The following TBC1D22A variants were observed in gnomAD, a reference collection of about 807,000 sequenced individuals.
TBC1D22A encodes TBC1 domain family member 22A, also known as putative GTPase activator.
Under a neutral mutation model 60.2 loss-of-function variants are expected in TBC1D22A, and 38 were observed. The ratio of observed to expected loss-of-function variants is 0.63; its 90% confidence interval spans 0.49 to 0.83. The LOEUF is 0.83. Ranked by LOEUF, TBC1D22A falls within the 40% of genes least tolerant of loss-of-function variation. The pLI is 0.00. For synonymous variants in TBC1D22A, 302 were observed against 281.7 expected (o/e 1.07, Z -0.72); for missense variants, 628 against 701.0 (o/e 0.90, Z 1.18).
At chr22:47,040,487 G>A (rs557570133) in intron 11 of TBC1D22A, among the ~76,000 whole-genome samples, 13 of 152,180 alleles carry the variant, frequency 8.5e-5, no homozygotes, top group African/African-American at 1.7e-4. Flanking sequence ...GCCAGGATGA[G>A]GGGGTCGTCG....
At chr22:47,079,523 T>G (rs928924412) in intron 11 of TBC1D22A, among the ~76,000 whole-genome samples, 31 of 152,218 alleles carry the variant, frequency 2.0e-4, no homozygotes, top group African/African-American at 6.8e-4. Context: ...TAAATGGAAG[T>G]AAACTCTTGT....
At chr22:46,857,487 C>T (rs1156497852) in intron 4 of TBC1D22A, among the ~76,000 whole-genome samples, 1 of 152,168 alleles carries the variant, frequency 6.6e-6, no homozygotes, top group Non-Finnish European at 1.5e-5. Context: ...TTTTTTTAGA[C>T]ATCTTTACTG....
chr22:47,121,521 C>T (rs1393833700), intron 12 of TBC1D22A, among the ~76,000 whole-genome samples: 3 of 152,016 alleles, frequency 2.0e-5, no homozygotes, highest in Admixed American at 6.6e-5. Flanking sequence ...GTTTTCATTG[C>T]GTTTCTATGT....
intron 1 of TBC1D22A, among the ~76,000 whole-genome samples, chr22:46,772,947 C>T (rs1181931932): frequency 6.6e-6 from 1 of 152,160 alleles, no homozygotes; most frequent in African/African-American, 2.4e-5. Flanking sequence ...TTCCTTTATC[C>T]ACTTGTTGAT....
intron 11 of TBC1D22A, among the ~76,000 whole-genome samples, chr22:47,098,812 C>T (rs1001272012): frequency 6.6e-6 from 1 of 152,228 alleles, no homozygotes. Context: ...GGGAGTCATG[C>T]AGCCATTAGT....
chr22:47,100,118 G>A (rs983070077), intron 11 of TBC1D22A, among the ~76,000 whole-genome samples: 4 of 152,184 alleles, frequency 2.6e-5, no homozygotes, highest in Non-Finnish European at 5.9e-5. Flanking sequence ...GGCTTCCAGG[G>A]TGCTGCCTGG....
Position 46,793,580 on chromosome 22 carries a change from A to G in TBC1D22A, c.199A>G (p.Asn67Asp). The change falls in exon 3 of 13, where the codon AAT (asparagine) becomes GAT (aspartate). Residue 67 changes from asparagine (N) to aspartate (D), a missense_variant. By Grantham distance (23) the Asn-to-Asp change is conservative. Coordinates refer to ENST00000337137, the MANE Select transcript of TBC1D22A (RefSeq NM_014346.5). ...RVSTFQEFES[N>D]TSDAWDAGED... Reference sequence around the variant, plus strand: ...CAGCACCTTCCAGGAGTTTGAGAGCAATACCAGCGATGCCTGGGACGCTGG... The same window carrying G: ...CAGCACCTTCCAGGAGTTTGAGAGCGATACCAGCGATGCCTGGGACGCTGG... 1 of 1,614,100 alleles carries G rather than the reference A, an allele frequency of 6.2e-7. No individual in the cohort carries two copies. Among genetic ancestry groups the G allele is most frequent in the Non-Finnish European group, 8.5e-7 (1 of 1,180,052 alleles).
chr22:47,115,845 A>G (rs1388006669), intron 12 of TBC1D22A: 3 of 152,266 alleles, frequency 2.0e-5, no homozygotes, highest in Admixed American at 6.5e-5. Flanking sequence ...GAACTGAGCC[A>G]TGTCCTGTGC....
chr22:46,855,052 C>T (rs2087498295), intron 4 of TBC1D22A, among the ~76,000 whole-genome samples: 1 of 152,108 alleles, frequency 6.6e-6, no homozygotes, highest in Non-Finnish European at 1.5e-5. Flanking sequence ...TGTGTCTTTC[C>T]ACCCATTTTC....
chr22:47,081,120 CAA>C (rs34794967), intron 11 of TBC1D22A, among the ~76,000 whole-genome samples: 43 of 83,778 alleles, frequency 5.1e-4, no homozygotes, highest in Non-Finnish European at 6.2e-4. Context: ...AACTCCGTCT[CAA>C]AAAAAAAAAA....
intron 11 of TBC1D22A, among the ~76,000 whole-genome samples, chr22:47,110,436 A>T (rs2147717221): frequency 6.6e-6 from 1 of 152,326 alleles, no homozygotes; most frequent in East Asian, 1.9e-4. Context: ...CCAAGATCAC[A>T]CTACTACCCT....
rs566066859 is a variant in TBC1D22A at position 46,999,924 on chromosome 22, C to T, written c.1201+2215C>T. ...CCTGGAGTCCCAGCTGCTTGGGAGGCTGAGTCAGAAGACTGGCGTGAACCC... is the reference window on the plus strand; with the variant it reads ...CCTGGAGTCCCAGCTGCTTGGGAGGTTGAGTCAGAAGACTGGCGTGAACCC... On this transcript the variant is annotated intron_variant, in intron 10 of 12. Coordinates refer to ENST00000337137, the MANE Select transcript of TBC1D22A (RefSeq NM_014346.5). Among the ~76,000 whole-genome samples, 6 of 152,228 alleles carry T rather than the reference C, an allele frequency of 3.9e-5. No individual in the cohort carries two copies. The South Asian group carries it at 1.2e-3, about 32-fold the overall frequency.
intron 5 of TBC1D22A, among the ~76,000 whole-genome samples, chr22:46,882,956 G>T (rs362154): frequency 0.62 from 93,588 of 152,060 alleles, 30,839 homozygotes; most frequent in Middle Eastern, 0.84. Flanking sequence ...ACATGACTTG[G>T]CATTTATGAA....
intron 4 of TBC1D22A, among the ~76,000 whole-genome samples, chr22:46,817,284 T>TA (rs371130663): frequency 2.0e-5 from 3 of 151,480 alleles, no homozygotes; most frequent in Admixed American, 6.6e-5. Context: ...TTATTCCTTC[T>TA]AAAAAAAATC....
Position 47,018,966 on chromosome 22 carries a change from T to C in TBC1D22A, c.1202-18105T>C, listed in dbSNP as rs905692097. ...GTTCCTGTCAGCATAGCACTCACTG[T>C]GGGGTCCTGACAGCCCCCGTGCTCC... On this transcript the variant is annotated intron_variant, in intron 10 of 12. Coordinates refer to ENST00000337137, the MANE Select transcript of TBC1D22A (RefSeq NM_014346.5). Among the ~76,000 whole-genome samples, 3 of 152,036 alleles carry C rather than the reference T, an allele frequency of 2.0e-5. No individual in the cohort carries two copies. The East Asian group carries it at 5.8e-4, about 29-fold the overall frequency.
intron 8 of TBC1D22A, among the ~76,000 whole-genome samples, chr22:46,939,995 G>C (rs569212780): frequency 5.9e-5 from 9 of 152,310 alleles, no homozygotes; most frequent in African/African-American, 1.9e-4. Context: ...GCATACTTTG[G>C]AAATATTCCA....
In TBC1D22A at chr22:46,793,509, G is replaced by C; in HGVS notation, c.128G>C (p.Arg43Thr). 1 of 1,614,176 alleles carries C rather than the reference G, an allele frequency of 6.2e-7. No individual in the cohort carries two copies. Among genetic ancestry groups the C allele is most frequent in the Non-Finnish European group, 8.5e-7 (1 of 1,180,042 alleles). ...FDPLLHGTLLRSTAKMPTTPV... is the reference protein window; with the variant it reads ...FDPLLHGTLLTSTAKMPTTPV... ...CTGCCTTTGCATTGCAGTTTGCTCA[G>C]GTCCACGGCCAAGATGCCGACCACA... Residue 43 changes from arginine (R) to threonine (T), a missense_variant, in exon 3 of 13, where the codon AGG (arginine) becomes ACG (threonine). Arg to Thr is a moderately conservative substitution (Grantham distance 71). Coordinates refer to ENST00000337137, the MANE Select transcript of TBC1D22A (RefSeq NM_014346.5).
intron 1 of TBC1D22A, among the ~76,000 whole-genome samples, chr22:46,788,588 G>C (rs2084268058): frequency 1.3e-5 from 2 of 152,178 alleles, no homozygotes; most frequent in South Asian, 4.1e-4. Flanking sequence ...CCCGCCTGTG[G>C]TTCATGCCAC....
chr22:46,884,264 G>C (rs901672118), intron 5 of TBC1D22A, among the ~76,000 whole-genome samples: 1 of 152,206 alleles, frequency 6.6e-6, no homozygotes, highest in Non-Finnish European at 1.5e-5. Context: ...TAGCGGTCAG[G>C]GTGGGCCGCA....
Sources: gnomAD v4.1 joint callset for allele counts (sites outside exome capture counted in the v4.1 genomes callset) on GRCh38, gnomAD v4.1.1 for gene constraint, MANE v1.5 for transcripts, NCBI Gene and HGNC (gene_info 2026-07-23, HGNC 2026-07-21) for gene names.